HBP1: variants seen among roughly 807,000 people sequenced by gnomAD.
The protein encoded by HBP1 is HMG box-containing protein 1.
A neutral mutation model predicts 62.6 loss-of-function variants in HBP1; 20 were observed. That is an observed-to-expected ratio of 0.32 (90% confidence interval 0.22 to 0.46). HBP1 has a LOEUF of 0.46. Ranked by LOEUF, HBP1 falls within the 20% of genes least tolerant of loss-of-function variation. The pLI, the probability that HBP1 is intolerant of heterozygous loss-of-function variation, is 1.00. For synonymous variants in HBP1, 232 were observed against 206.2 expected (o/e 1.12, Z -1.07); for missense variants, 480 against 611.8 (o/e 0.78, Z 2.27).
chr7:107,172,048 T>C (rs1429909677), intron 1 of HBP1, among the ~76,000 whole-genome samples: 1 of 152,084 alleles, frequency 6.6e-6, no homozygotes, highest in African/African-American at 2.4e-5. Flanking sequence ...TTGCCTGATA[T>C]CAGTAACATT....
chr7:107,185,438 A>C (rs182645570), intron 3 of HBP1, among the ~76,000 whole-genome samples: 152 of 152,334 alleles, frequency 1.0e-3, no homozygotes, highest in Non-Finnish European at 1.7e-3. Context: ...GAGTACATCA[A>C]AGTAGAAGAA....
At chr7:107,199,837 A>AAGAT (rs1298202663) in intron 9 of HBP1, among the ~76,000 whole-genome samples, 1 of 152,252 alleles carries the variant, frequency 6.6e-6, no homozygotes, top group African/African-American at 2.4e-5. Flanking sequence ...GAGAAATAGT[A>AAGAT]AGATATGCAT....
At chr7:107,188,554 A>G (rs1290509551) in intron 6 of HBP1, among the ~76,000 whole-genome samples, 1 of 152,100 alleles carries the variant, frequency 6.6e-6, no homozygotes, top group African/African-American at 2.4e-5. Context: ...AAGGGTAAGG[A>G]TCATGTTTGT....
intron 1 of HBP1, among the ~76,000 whole-genome samples, chr7:107,178,096 T>A (rs1260810427): frequency 6.6e-6 from 1 of 152,214 alleles, no homozygotes; most frequent in Non-Finnish European, 1.5e-5. Context: ...TTAACAGCAA[T>A]ATATTTTATT....
intron 8 of HBP1, among the ~76,000 whole-genome samples, chr7:107,193,908 A>G (rs1366949012): frequency 6.6e-6 from 1 of 152,196 alleles, no homozygotes; most frequent in African/African-American, 2.4e-5. Context: ...GAAGGATTAA[A>G]TAAGTTAATA....
chr7:107,175,205 T>TAA (rs149259408), intron 1 of HBP1, among the ~76,000 whole-genome samples: 2 of 149,728 alleles, frequency 1.3e-5, no homozygotes, highest in South Asian at 2.1e-4. Flanking sequence ...AGACCTCTTT[T>TAA]AAAAAAAAAA....
At chr7:107,200,139 G>A in intron 9 of HBP1, 21 bp from the exon 10 acceptor site, 1 of 1,546,122 alleles carries the variant, frequency 6.5e-7, no homozygotes, top group Non-Finnish European at 8.7e-7. Context: ...TTTCAGCATT[G>A]TGTAAATATT....
intron 10 of HBP1, 187 bp downstream of exon 10, chr7:107,200,488 C>T (rs767958815): frequency 4.7e-6 from 2 of 425,520 alleles, no homozygotes; most frequent in African/African-American, 2.0e-5. Context: ...GGGTCATTTA[C>T]TCTCATAGCA....
rs1279387952 is a variant in HBP1, at chr7:107,171,419, AG to A, written c.-16+2235del. 4.6e-5 allele frequency among the ~76,000 whole-genome samples: 7 copies of A among 152,150 alleles called. No homozygotes were observed. In the East Asian group the frequency reaches 9.7e-4, roughly 21 times the overall value. The stretch of plus-strand genomic sequence containing the variant: ...TCTTTCCTCACTAATCGAAGTGGCC[AG>A]TGAAGAAGGCATATGGCACGATGGC... On this transcript the variant is annotated intron_variant, in intron 1 of 10. Transcript: ENST00000222574.
chr7:107,198,941 G>GTTCT (rs1798061868), intron 9 of HBP1, among the ~76,000 whole-genome samples: 1 of 152,056 alleles, frequency 6.6e-6, no homozygotes, highest in South Asian at 2.1e-4. Context: ...AACATCTCAT[G>GTTCT]TTCTTTCCTA....
At chr7:107,181,389 T>C (rs1328526567) in intron 2 of HBP1, among the ~76,000 whole-genome samples, 1 of 152,032 alleles carries the variant, frequency 6.6e-6, no homozygotes, top group Non-Finnish European at 1.5e-5. Context: ...TGAGGATCAT[T>C]TGAGCCCAGG....
chr7:107,169,192 T>A lies in HBP1; in HGVS notation c.-16+7T>A. The A allele has an allele frequency of 9.7e-7, 1 of 1,029,048 alleles. No homozygotes were observed. The highest frequency in any genetic ancestry group is 1.2e-6 in the Non-Finnish European group (1 of 853,188). The allele number at this position is 1,029,048 out of a possible 1,614,324, so 63.7% of individuals were successfully genotyped here. ...TGCCGGCACTTCGCGGCAGGTTTGT[T>A]GTCTTTCAGTTAGGGAAGAGGTGGG... is the stretch of plus-strand genomic sequence containing the variant. On this transcript the variant is annotated splice_region_variant and intron_variant, in intron 1 of 10. Transcript: ENST00000222574.
chr7:107,198,683 T>TAAAG (rs113099380), intron 9 of HBP1, among the ~76,000 whole-genome samples: 25,471 of 152,156 alleles, frequency 0.17, 2,409 homozygotes, highest in Non-Finnish European at 0.22. Context: ...ATTCAATGAA[T>TAAAG]AAATTCTCAT....
Position 107,196,308 on chromosome 7 carries a change from A to AC in HBP1, c.1385+160dup, listed in dbSNP as rs554222230. On this transcript the variant is annotated intron_variant, in intron 9 of 10. Coordinates refer to ENST00000222574, the MANE Select transcript of HBP1 (RefSeq NM_012257.4). ...TTTTGAGACGGAGTCTCGCTGTGTC[A>AC]CCCAAGCTGGAGTCCAGTGGTACGA... The AC allele has an allele frequency of 1.7e-3, 1,140 of 671,180 alleles. 13 individuals are homozygous for AC. In the African/African-American group the frequency reaches 0.017, roughly 10 times the overall value. 41.6% of individuals were successfully genotyped at this position (671,180 alleles called of 1,614,324 possible). A position where few individuals can be genotyped will look rare whatever the true frequency, so the allele number is the denominator to read the frequency against.
chr7:107,191,940 C>A (rs939296636), intron 8 of HBP1, among the ~76,000 whole-genome samples: 1 of 151,972 alleles, frequency 6.6e-6, no homozygotes, highest in Non-Finnish European at 1.5e-5. Context: ...CAAAAAAATA[C>A]TAATACAAAG....
At chr7:107,169,567 T>G in intron 1 of HBP1, among the ~76,000 whole-genome samples, 1 of 150,260 alleles carries the variant, frequency 6.7e-6, no homozygotes. Context: ...CAACTCCCCG[T>G]TTGTGGGCGG....
chr7:107,199,091 A>ATTATTTATTTTTGAGAC (rs1341067950), intron 9 of HBP1, among the ~76,000 whole-genome samples: 3 of 151,708 alleles, frequency 2.0e-5, no homozygotes, highest in Non-Finnish European at 2.9e-5. Flanking sequence ...TTATCATTTT[A>ATTATTTATTTTTGAGAC]TTATTTATTT....
intron 8 of HBP1, among the ~76,000 whole-genome samples, chr7:107,190,675 T>TG (rs952631900): frequency 1.3e-5 from 2 of 152,206 alleles, no homozygotes; most frequent in Non-Finnish European, 2.9e-5. Context: ...ATAAATCTCT[T>TG]GTGTTTTTTG....
intron 2 of HBP1, 57 bp downstream of exon 2, chr7:107,180,119 A>T: frequency 1.7e-6 from 2 of 1,151,140 alleles, no homozygotes; most frequent in South Asian, 1.6e-5. Flanking sequence ...AAATTTTTCT[A>T]CTTAGCCCGC....
Sources: allele counts gnomAD v4.1 joint callset (sites outside exome capture counted in the v4.1 genomes callset), GRCh38; gene constraint gnomAD v4.1.1; transcripts MANE v1.5; gene names NCBI Gene and HGNC (gene_info 2026-07-23, HGNC 2026-07-21).